The following SMC2 variants were observed in gnomAD, a reference collection of about 807,000 sequenced individuals.
SMC2 encodes the protein structural maintenance of chromosomes 2, also known as structural maintenance of chromosomes protein 2.
A neutral mutation model predicts 142.6 loss-of-function variants in SMC2; 41 were observed. The ratio of observed to expected loss-of-function variants is 0.29; its 90% CI spans 0.22 to 0.37. The LOEUF (loss-of-function observed/expected upper bound fraction) is 0.37, where lower values mean the gene tolerates loss of function less well. Among genes scored for constraint, SMC2 ranks in the 10% least tolerant of loss-of-function variants. The pLI, the probability that SMC2 is intolerant of heterozygous loss-of-function variation, is 1.00. For missense variants in SMC2, 1,265 were observed against 1,373.7 expected (o/e 0.92, Z 1.25); for synonymous variants, 463 against 457.5 (o/e 1.01, Z -0.15).
chr9:104,136,107 C>T (rs960265800), intron 23 of SMC2: 3 of 310,934 alleles, frequency 9.6e-6, no homozygotes, highest in Non-Finnish European at 1.9e-5. Context: ...TTAATTAAAA[C>T]CTCCTGAAAG....
Position 104,102,679 on chromosome 9 carries a change from C to G in SMC2, c.1020+106C>G, listed in dbSNP as rs530404323. The G allele has an allele frequency of 1.7e-4, 206 of 1,195,002 alleles. 1 individual carries two copies. In the East Asian group the frequency reaches 4.8e-3, roughly 28 times the overall value. The allele number at this position is 1,195,002 out of a possible 1,614,324, so 74.0% of individuals were successfully genotyped here. A position where few individuals can be genotyped will look rare whatever the true frequency, so the allele number is the denominator to read the frequency against. ...ATATTTAGTGAGTGTCTTCTATAAG[C>G]TAAGTACAGTTGTTTGGGCTGTGGT... On this transcript the variant is annotated intron_variant, in intron 9 of 24. Coordinates refer to ENST00000374793, the MANE Select transcript of SMC2 (RefSeq NM_006444.3).
At chr9:104,094,264 G>A (rs1475219377), upstream of SMC2, 1 of 398,530 alleles carries the variant, frequency 2.5e-6, no homozygotes, top group Non-Finnish European at 4.4e-6. Flanking sequence ...CACCAGCACA[G>A]GAAATAAGCA....
the SMC2 span, among the ~76,000 whole-genome samples, chr9:104,089,000 G>C: frequency 6.6e-6 from 1 of 151,738 alleles, no homozygotes; most frequent in South Asian, 2.1e-4. Context: ...AAAAAGACAT[G>C]GTAATCTAAG....
At chr9:104,120,188 A>G (rs1362239999) in intron 16 of SMC2, 26 bp downstream of exon 16, 1 of 1,555,336 alleles carries the variant, frequency 6.4e-7, no homozygotes, top group South Asian at 1.2e-5. Context: ...ACTTTTTTTA[A>G]TTAAAGATTT....
chr9:104,091,345 A>T (rs1020208616), upstream of SMC2, among the ~76,000 whole-genome samples: 4 of 152,216 alleles, frequency 2.6e-5, no homozygotes, highest in Non-Finnish European at 4.4e-5. Flanking sequence ...TTGTGTTTCT[A>T]AACAGAAAGG....
intron 21 of SMC2, among the ~76,000 whole-genome samples, chr9:104,130,894 T>G (rs1248868008): frequency 6.6e-6 from 1 of 152,172 alleles, no homozygotes; most frequent in Non-Finnish European, 1.5e-5. Flanking sequence ...GAAGCCTATA[T>G]TGTTGATCAG....
rs778129989 is a variant in SMC2 at position 104,129,839 on chromosome 9, A to G, written c.2985A>G (p.Glu995=). The G allele has an allele frequency of 1.2e-6, 2 of 1,612,094 alleles. No homozygotes were observed. Among genetic ancestry groups the G allele is most frequent in the Non-Finnish European group, 8.5e-7 (1 of 1,178,518 alleles). Residue 995 remains glutamate (E), a synonymous_variant, in exon 21 of 25, where the codon GAA becomes GAG. Coordinates refer to ENST00000374793, the MANE Select transcript of SMC2 (RefSeq NM_006444.3). ...CTATGAATGTATTGACAGAAGCTGA[A>G]GAGCGAGTAAGTCAATTTCTTATGA... ...MRAMNVLTEA[E]ERYNDLMKKK...
chr9:104,140,858 A>C lies in SMC2; in HGVS notation c.*1543A>C, dbSNP rs749585871. 4.6e-5 allele frequency: 7 copies of C among 152,136 alleles called. No homozygotes were observed. The highest frequency in any genetic ancestry group is 8.8e-5 in the Non-Finnish European group (6 of 68,034). 9.4% of individuals were successfully genotyped at this position (152,136 alleles called of 1,614,324 possible). ...TTAATTTTAATATTTCTGATTTAAC[A>C]GTTAGTTATTAAGTGGTACTTCATT... On this transcript the variant is annotated 3_prime_UTR_variant, in exon 25 of 25. Transcript: ENST00000374793.
chr9:104,119,122 G>A (rs1215196912), intron 15 of SMC2, among the ~76,000 whole-genome samples: 1 of 152,114 alleles, frequency 6.6e-6, no homozygotes, highest in East Asian at 1.9e-4. Context: ...TCTCGGCCAC[G>A]AAAACATTAG....
Position 104,120,011 on chromosome 9 carries a change from A to C in SMC2, c.1997-16A>C, listed in dbSNP as rs1050174420. The C allele has an allele frequency of 6.2e-7, 1 of 1,613,156 alleles. No homozygotes were observed. The highest frequency in any genetic ancestry group is 1.7e-5 in the Admixed American group (1 of 59,820). On this transcript the variant is annotated splice_polypyrimidine_tract_variant and intron_variant, in intron 15 of 24. Transcript: ENST00000374793. ...GGTAACAATGTGGAAGACCTGTTTCAATTTGCCTCTATCAGGTGCTCGATC... is the reference window on the plus strand; with the variant it reads ...GGTAACAATGTGGAAGACCTGTTTCCATTTGCCTCTATCAGGTGCTCGATC...
intron 23 of SMC2, among the ~76,000 whole-genome samples, chr9:104,136,633 G>A (rs941838664): frequency 6.6e-6 from 1 of 151,796 alleles, no homozygotes; most frequent in African/African-American, 2.4e-5. Flanking sequence ...CAATACTTGA[G>A]GCACTCATCA....
At chr9:104,089,620 CAAGT>C (rs1829962636), upstream of SMC2, among the ~76,000 whole-genome samples, 1 of 152,080 alleles carries the variant, frequency 6.6e-6, no homozygotes, top group Non-Finnish European at 1.5e-5. Context: ...GAATATAAAA[CAAGT>C]AAGAATAGAA....
chr9:104,123,279 C>A, intron 17 of SMC2, 47 bp downstream of exon 17: 1 of 1,576,868 alleles, frequency 6.3e-7, no homozygotes, highest in South Asian at 1.2e-5. Flanking sequence ...TATTCATATC[C>A]GTTACCTTAC....
intron 9 of SMC2, among the ~76,000 whole-genome samples, chr9:104,105,922 T>G (rs1264818805): frequency 6.6e-6 from 1 of 152,136 alleles, no homozygotes; most frequent in African/African-American, 2.4e-5. Context: ...GTGGAAAAAG[T>G]GTATTGACAG....
Position 104,138,184 on chromosome 9 carries a change from A to G in SMC2, c.3417+19A>G. ...TTCTCAGGTAAGAACCAGGAAAAAA[A>G]GTCTCAGTAATAGTTTAATTAGACT... On this transcript the variant is annotated intron_variant, in intron 24 of 24. Coordinates refer to ENST00000374793, the MANE Select transcript of SMC2 (RefSeq NM_006444.3). 1 of 1,577,756 alleles carries G rather than the reference A, an allele frequency of 6.3e-7. No individual in the cohort carries two copies. The highest frequency in any genetic ancestry group is 8.6e-7 in the Non-Finnish European group (1 of 1,157,850).
intron 9 of SMC2, among the ~76,000 whole-genome samples, chr9:104,110,345 A>C (rs1832284857): frequency 1.3e-5 from 2 of 152,222 alleles, no homozygotes; most frequent in African/African-American, 4.8e-5. Flanking sequence ...ATATAAACTT[A>C]TCGCATCAAT....
chr9:104,115,704 T>C (rs985088851), intron 13 of SMC2, among the ~76,000 whole-genome samples: 6 of 152,206 alleles, frequency 3.9e-5, no homozygotes, highest in African/African-American at 1.4e-4. Flanking sequence ...CTTTTTTGTG[T>C]GTGACAGCAC....
intron 9 of SMC2, among the ~76,000 whole-genome samples, chr9:104,104,140 T>A (rs1259219235): frequency 1.3e-5 from 2 of 152,194 alleles, no homozygotes; most frequent in Non-Finnish European, 2.9e-5. Flanking sequence ...CCATAGGTGG[T>A]CTCATCCAGC....
chr9:104,134,649 ATTTGT>A, intron 23 of SMC2, 74 bp downstream of exon 23: 2 of 1,074,658 alleles, frequency 1.9e-6, no homozygotes, highest in Non-Finnish European at 2.6e-6. Context: ...TTAAAACTGT[ATTTGT>A]GTTTTAACTA....
Sources: gnomAD v4.1 joint callset for allele counts (sites outside exome capture counted in the v4.1 genomes callset) on GRCh38, gnomAD v4.1.1 for gene constraint, MANE v1.5 for transcripts, NCBI Gene and HGNC (gene_info 2026-07-23, HGNC 2026-07-21) for gene names.